The following CELSR1 variants were observed in gnomAD, a reference collection of about 807,000 sequenced individuals.
The protein encoded by CELSR1 is cadherin EGF LAG seven-pass G-type receptor 1, also known as adhesion G protein-coupled receptor C1.
A neutral mutation model predicts 249.1 loss-of-function variants in CELSR1; 110 were observed. The ratio of observed to expected loss-of-function variants is 0.44; its 90% confidence interval spans 0.38 to 0.52. The LOEUF (loss-of-function observed/expected upper bound fraction) is 0.52, where lower values mean the gene tolerates loss of function less well. Among genes scored for constraint, CELSR1 ranks in the 20% least tolerant of loss-of-function variants. The probability of loss-of-function intolerance (pLI) is 0.00; values close to 1 mark genes in which losing one functional copy is unlikely to be tolerated. For missense variants in CELSR1, 4,109 were observed against 4,296.4 expected (o/e 0.96, Z 1.22); for synonymous variants, 2,113 against 1,900.0 (o/e 1.11, Z -2.92).
Position 46,409,525 on chromosome 22 carries a change from C to T in CELSR1, c.5059+230G>A, listed in dbSNP as rs1415591086. On this transcript the variant is annotated intron_variant, in intron 8 of 34. Transcript: ENST00000674500. The surrounding 1 kb of genome is among the most constrained non-coding windows in gnomAD (Gnocchi z 9.8). ...GGCTGGGCTCTGCCGGCCCAGCCTA[C>T]CTGTCCCACCCCACACCTGAGGGAC... Among the ~76,000 whole-genome samples the T allele has an allele frequency of 1.3e-5, 2 of 152,126 alleles. No homozygotes were observed. The highest frequency in any genetic ancestry group is 4.8e-5 in the African/African-American group (2 of 41,420).
At chr22:46,369,040 C>T (rs1348665244) in intron 27 of CELSR1, 139 bp downstream of exon 27, 4 of 753,996 alleles carry the variant, frequency 5.3e-6, no homozygotes, top group East Asian at 2.5e-5. Flanking sequence ...CTCTGGAGCC[C>T]TGGGGCTCAC....
rs960789093 is a variant in CELSR1 at position 46,506,007 on chromosome 22, T to C, written c.3544+27620A>G. Reference sequence around the variant, plus strand: ...CAGACTGGCCAATGTGGTGAAACCCTGTCTCTACTAAAAATACAAAAATTA... The same window carrying C: ...CAGACTGGCCAATGTGGTGAAACCCCGTCTCTACTAAAAATACAAAAATTA... On this transcript the variant is annotated intron_variant, in intron 1 of 34. Coordinates refer to ENST00000674500, the MANE Select transcript of CELSR1 (RefSeq NM_001378328.1). The surrounding 1 kb of genome is among the most constrained non-coding windows in gnomAD (Gnocchi z 4.1). 6.6e-5 allele frequency among the ~76,000 whole-genome samples: 10 copies of C among 151,792 alleles called. No homozygotes were observed. Among genetic ancestry groups the C allele is most frequent in the African/African-American group, 2.4e-4 (10 of 41,364 alleles).
rs1262162902 is a variant in CELSR1, at chr22:46,438,312, A to G, written c.4406+877T>C. 2.6e-5 allele frequency among the ~76,000 whole-genome samples: 4 copies of G among 152,254 alleles called. No homozygotes were observed. In the East Asian group the frequency reaches 7.7e-4, roughly 29 times the overall value. On this transcript the variant is annotated intron_variant, in intron 3 of 34. Coordinates refer to ENST00000674500, the MANE Select transcript of CELSR1 (RefSeq NM_001378328.1). Reference sequence around the variant, plus strand: ...TTGGCAAAGAGAAACTAGAAAGAGGAGAAGGGGCTATGAAAGCACCCACCT... The same window carrying G: ...TTGGCAAAGAGAAACTAGAAAGAGGGGAAGGGGCTATGAAAGCACCCACCT...
In CELSR1 at chr22:46,434,825, T is replaced by C. The variant is rs1020104650; in HGVS notation, c.4523-1344A>G. 6.6e-6 allele frequency among the ~76,000 whole-genome samples: 1 copy of C among 151,972 alleles called. No homozygotes were observed. The highest frequency in any genetic ancestry group is 2.4e-5 in the African/African-American group (1 of 41,402). On this transcript the variant is annotated intron_variant, in intron 4 of 34. Coordinates refer to ENST00000674500, the MANE Select transcript of CELSR1 (RefSeq NM_001378328.1). The surrounding 1 kb of genome is among the most constrained non-coding windows in gnomAD (Gnocchi z 4.9). ...CAGCCTGGCCAACACAGTGAAACCC[T>C]GTCTCTACTAAAAATACAAAAATTA...
intron 1 of CELSR1, among the ~76,000 whole-genome samples, chr22:46,515,086 C>G (rs2080612930): frequency 6.6e-6 from 1 of 151,798 alleles, no homozygotes; most frequent in Non-Finnish European, 1.5e-5. Flanking sequence ...AAAAGGCTGT[C>G]TGGCAGCGTG....
chr22:46,393,737 C>CA lies in CELSR1; in HGVS notation c.5964+404dup, dbSNP rs527573754. ...TGGGCGACACAGCGAGACTCTGTCT[C>CA]AAAAAAAAAAAAAAAAAGACCAGGA... is the stretch of plus-strand genomic sequence containing the variant. On this transcript the variant is annotated intron_variant, in intron 14 of 34. Transcript: ENST00000674500. The surrounding 1 kb of genome is among the most constrained non-coding windows in gnomAD (Gnocchi z 4.1). 0.083 allele frequency among the ~76,000 whole-genome samples: 6,316 copies of CA among 76,284 alleles called. 201 individuals are homozygous for CA. The highest frequency in any genetic ancestry group is 0.11 in the Non-Finnish European group (4,280 of 37,998). 50.0% of individuals were successfully genotyped at this position (76,284 alleles called of 152,430 possible). A position where few individuals can be genotyped will look rare whatever the true frequency, so the allele number is the denominator to read the frequency against.
Position 46,535,065 on chromosome 22 carries a change from C to T in CELSR1, c.2106G>A (p.Val702=). 1.2e-6 allele frequency: 2 copies of T among 1,612,528 alleles called. No individual in the cohort carries two copies. Among genetic ancestry groups the T allele is most frequent in the African/African-American group, 1.3e-5 (1 of 75,040 alleles). Residue 702 remains valine (V), a synonymous_variant, in exon 1 of 35, where the codon GTG becomes GTA. Transcript: ENST00000674500. The part of the protein sequence containing the change: ...YELRLNEDAA[V]GSSVLTLQAR... ...CCTGCAGGGTCAGCACGCTGCTCCC[C>T]ACGGCCGCATCCTCATTCAGACGAA...
chr22:46,505,365 G>A (rs972830326), intron 1 of CELSR1, among the ~76,000 whole-genome samples: 2 of 151,992 alleles, frequency 1.3e-5, no homozygotes, highest in Non-Finnish European at 2.9e-5. Context: ...CGGGCGCGGT[G>A]GCTCACACTC....
intron 1 of CELSR1, among the ~76,000 whole-genome samples, chr22:46,493,668 A>C (rs936699414): frequency 6.6e-6 from 1 of 151,784 alleles, no homozygotes; most frequent in Non-Finnish European, 1.5e-5. Flanking sequence ...ACCCAGTGGG[A>C]GGTAACTAAA....
rs2079846528 is a variant in CELSR1 at position 46,448,516 on chromosome 22, CT to C, written c.4184-9106del. On this transcript the variant is annotated intron_variant, in intron 2 of 34. Transcript: ENST00000674500. This position sits in a 1 kb window ranked among gnomAD's most constrained non-coding sequence, Gnocchi z 5.7. Reference sequence around the variant, plus strand: ...GGGAAGGGCGTGTAAAGATTGACCACTTAAGTTCTTAAATAAATAAAAAGAC... The same window carrying C: ...GGGAAGGGCGTGTAAAGATTGACCACTAAGTTCTTAAATAAATAAAAAGAC... The C allele has an allele frequency of 4.6e-6, 2 of 432,268 alleles. No individual in the cohort carries two copies. The highest frequency in any genetic ancestry group is 1.4e-4 in the East Asian group (2 of 13,948). The allele number at this position is 432,268 out of a possible 1,614,324, so 26.8% of individuals were successfully genotyped here.
rs1249696220 is a variant in CELSR1 at position 46,412,017 on chromosome 22, T to C, written c.4612-258A>G. On this transcript the variant is annotated intron_variant, in intron 5 of 34. Transcript: ENST00000674500. This position sits in a 1 kb window ranked among gnomAD's most constrained non-coding sequence, Gnocchi z 4.5. ...CTGGTGCTGATGGAATTAGCTAAGA[T>C]GCGGACGTCCTGGAGTAGGCGGGCC... Among the ~76,000 whole-genome samples, 1 of 152,162 alleles carries C rather than the reference T, an allele frequency of 6.6e-6. No individual in the cohort carries two copies. Among genetic ancestry groups the C allele is most frequent in the Non-Finnish European group, 1.5e-5 (1 of 68,030 alleles).
rs78377714 is a variant in CELSR1, at chr22:46,444,356, C to T, written c.4184-4945G>A. ...TCCAAATTTGATTTCTAGTGGCCCC[C>T]GATATCCTCAGGCTGCCCCGTGAAA... On this transcript the variant is annotated intron_variant, in intron 2 of 34. Transcript: ENST00000674500. Among the ~76,000 whole-genome samples, 660 of 152,312 alleles carry T rather than the reference C, an allele frequency of 4.3e-3. 4 individuals are homozygous for T. The highest frequency in any genetic ancestry group is 0.015 in the African/African-American group (618 of 41,572).
Position 46,365,381 on chromosome 22 carries a change from C to T in CELSR1, c.8405-1G>A. On this transcript the variant is annotated splice_acceptor_variant, in intron 31 of 34. Coordinates refer to ENST00000674500, the MANE Select transcript of CELSR1 (RefSeq NM_001378328.1). LOFTEE classifies it high-confidence loss of function. Reference sequence around the variant, plus strand: ...TCGCTATCTGAGTCGGAATCGTGGCCTGTGGATGCGCGGGGGACAGGGAGG... The same window carrying T: ...TCGCTATCTGAGTCGGAATCGTGGCTTGTGGATGCGCGGGGGACAGGGAGG... 1 of 1,612,630 alleles carries T rather than the reference C, an allele frequency of 6.2e-7. No homozygotes were observed. The highest frequency in any genetic ancestry group is 8.5e-7 in the Non-Finnish European group (1 of 1,179,894).
Position 46,472,084 on chromosome 22 carries a change from A to G in CELSR1, c.3545-7739T>C, listed in dbSNP as rs1209055369. ...TGGAGCGGCTCCGCGGCACCTCAAA[A>G]GCGATCAAGTGCCATCCCCTGCTTT... On this transcript the variant is annotated intron_variant, in intron 1 of 34. Coordinates refer to ENST00000674500, the MANE Select transcript of CELSR1 (RefSeq NM_001378328.1). The surrounding 1 kb of genome is among the most constrained non-coding windows in gnomAD (Gnocchi z 7.0). 2.6e-5 allele frequency among the ~76,000 whole-genome samples: 4 copies of G among 152,236 alleles called. No individual in the cohort carries two copies. Among genetic ancestry groups the G allele is most frequent in the African/African-American group, 9.6e-5 (4 of 41,546 alleles).
chr22:46,422,623 C>T (rs1053747302), intron 5 of CELSR1, among the ~76,000 whole-genome samples: 20 of 150,282 alleles, frequency 1.3e-4, no homozygotes, highest in South Asian at 2.1e-4. Context: ...AAAAATTAGC[C>T]GGGCATGGTG....
chr22:46,481,969 C>T (rs549046999), intron 1 of CELSR1, among the ~76,000 whole-genome samples: 23 of 152,210 alleles, frequency 1.5e-4, no homozygotes, highest in Middle Eastern at 6.8e-3. Flanking sequence ...GATGGGGTTT[C>T]GCCATGTTGG....
In CELSR1 at chr22:46,389,224, C is replaced by T. The variant is rs2079062274; in HGVS notation, c.6555+66G>A. On this transcript the variant is annotated intron_variant, in intron 18 of 34. Coordinates refer to ENST00000674500, the MANE Select transcript of CELSR1 (RefSeq NM_001378328.1). ...CTGAGGTAGACGCCCAGCCCCACAGCACCCACCCACGGGCATCCGAGTGTC... is the reference window on the plus strand; with the variant it reads ...CTGAGGTAGACGCCCAGCCCCACAGTACCCACCCACGGGCATCCGAGTGTC... 3.9e-6 allele frequency: 6 copies of T among 1,540,584 alleles called. No individual in the cohort carries two copies. The Admixed American group carries it at 5.0e-5, about 13-fold the overall frequency.
intron 20 of CELSR1, among the ~76,000 whole-genome samples, chr22:46,382,537 A>G (rs1035772784): frequency 2.6e-5 from 4 of 152,022 alleles, no homozygotes; most frequent in Non-Finnish European, 4.4e-5. Context: ...CGGCCTCCCA[A>G]AGTGCTGGGA....
intron 1 of CELSR1, among the ~76,000 whole-genome samples, chr22:46,497,530 C>T (rs186639149): frequency 6.6e-6 from 1 of 152,340 alleles, no homozygotes; most frequent in East Asian, 1.9e-4. Context: ...ACTCTCTGGT[C>T]TTCACACATT....
Sources: gnomAD v4.1 joint callset for allele counts (sites outside exome capture counted in the v4.1 genomes callset) on GRCh38, gnomAD v4.1.1 for gene constraint, Gnocchi (gnomAD v3.1) non-coding constraint, MANE v1.5 for transcripts, NCBI Gene and HGNC (gene_info 2026-07-23, HGNC 2026-07-21) for gene names.